Variants in RGS6 observed in about 807,000 individuals in gnomAD.
RGS6 encodes regulator of G protein signaling 6.
A neutral mutation model predicts 78.5 loss-of-function variants in RGS6; 30 were observed. That is an observed-to-expected ratio of 0.38 (90% CI 0.29 to 0.52). The LOEUF (loss-of-function observed/expected upper bound fraction) is 0.52, where lower values mean the gene tolerates loss of function less well. Ranked by LOEUF, RGS6 falls within the 20% of genes least tolerant of loss-of-function variation. RGS6 has a pLI of 0.85. For synonymous variants in RGS6, 206 were observed against 206.0 expected (o/e 1.00, Z 0.00); for missense variants, 495 against 609.7 (o/e 0.81, Z 1.98).
intron 2 of RGS6, among the ~76,000 whole-genome samples, chr14:72,225,391 C>A (rs1418798163): frequency 1.3e-5 from 2 of 152,222 alleles, no homozygotes. Flanking sequence ...GATGCAATCA[C>A]AGCCCTCTGC....
At chr14:72,163,082 A>G (rs2096875215) in intron 2 of RGS6, among the ~76,000 whole-genome samples, 1 of 152,174 alleles carries the variant, frequency 6.6e-6, no homozygotes, top group South Asian at 2.1e-4. Flanking sequence ...ATAAAAGACT[A>G]CAAATTGGGT....
chr14:72,543,151 C>T (rs1421375704), intron 17 of RGS6, among the ~76,000 whole-genome samples: 1 of 151,602 alleles, frequency 6.6e-6, no homozygotes, highest in Non-Finnish European at 1.5e-5. Context: ...CTAAACATGA[C>T]TGAAGTCCAC....
Position 72,163,377 on chromosome 14 carries a change from A to T in RGS6, c.85-188718A>T, listed in dbSNP as rs539955233. ...CCAATGAGGTTGATAATTCAGTGGG[A>T]CCAACAAGTCACAGTCAACCAGTGA... On this transcript the variant is annotated intron_variant, in intron 2 of 17. Coordinates refer to ENST00000553525, the MANE Select transcript of RGS6 (RefSeq NM_001204424.2). Among the ~76,000 whole-genome samples the T allele has an allele frequency of 2.6e-5, 4 of 152,346 alleles. No homozygotes were observed. The South Asian group carries it at 8.3e-4, about 32-fold the overall frequency.
chr14:72,578,913 G>T, the RGS6 span, among the ~76,000 whole-genome samples: 2 of 152,170 alleles, frequency 1.3e-5, no homozygotes, highest in African/African-American at 4.8e-5. Flanking sequence ...ATCATCTATG[G>T]CATTTGGGGA....
chr14:72,548,789 G>A (rs2283372), intron 17 of RGS6, among the ~76,000 whole-genome samples: 28,456 of 152,148 alleles, frequency 0.19, 2,807 homozygotes, highest in Middle Eastern at 0.24. Context: ...TTGCTCCAGA[G>A]AGCAAGGCTA....
intron 2 of RGS6, among the ~76,000 whole-genome samples, chr14:72,106,817 A>G (rs112114660): frequency 1.3e-5 from 2 of 152,182 alleles, no homozygotes; most frequent in Non-Finnish European, 2.9e-5. Context: ...CTCATGGTGC[A>G]GTGTAACATG....
chr14:72,342,746 A>T (rs976983878), intron 2 of RGS6, among the ~76,000 whole-genome samples: 3 of 151,590 alleles, frequency 2.0e-5, no homozygotes, highest in Non-Finnish European at 4.4e-5. Context: ...AAAAAAAAAA[A>T]AAAAGTTCCC....
chr14:72,378,899 G>A (rs1312363293), intron 3 of RGS6, among the ~76,000 whole-genome samples: 1 of 151,878 alleles, frequency 6.6e-6, no homozygotes, highest in African/African-American at 2.4e-5. Context: ...GGTTATACAG[G>A]TTAATATCCT....
chr14:72,376,277 C>T (rs889849001), intron 3 of RGS6, among the ~76,000 whole-genome samples: 6 of 151,902 alleles, frequency 3.9e-5, no homozygotes, highest in African/African-American at 1.2e-4. Context: ...TACTTGAAGA[C>T]AGGTATTTTG....
chr14:71,960,714 G>T (rs560777143), intron 1 of RGS6, among the ~76,000 whole-genome samples: 1 of 152,162 alleles, frequency 6.6e-6, no homozygotes, highest in Non-Finnish European at 1.5e-5. Context: ...ATCTTTCTGG[G>T]ATCAGATTAT....
intron 2 of RGS6, among the ~76,000 whole-genome samples, chr14:72,198,487 T>A (rs1388128726): frequency 6.6e-6 from 1 of 152,262 alleles, no homozygotes; most frequent in Non-Finnish European, 1.5e-5. Context: ...TACTATTCTA[T>A]TGCTCTGATG....
intron 2 of RGS6, among the ~76,000 whole-genome samples, chr14:72,158,832 A>G (rs896457302): frequency 6.8e-6 from 1 of 147,466 alleles, no homozygotes; most frequent in Non-Finnish European, 1.5e-5. Flanking sequence ...AATATCCGGT[A>G]TAACATTGCA....
At chr14:72,437,280 G>A (rs2094965770) in intron 3 of RGS6, among the ~76,000 whole-genome samples, 4 of 141,828 alleles carry the variant, frequency 2.8e-5, no homozygotes, top group Admixed American at 2.3e-4. Context: ...GGCGGGGGTT[G>A]CAGTGAGCCG....
chr14:72,236,061 C>G (rs900158025), intron 2 of RGS6, among the ~76,000 whole-genome samples: 1 of 152,212 alleles, frequency 6.6e-6, no homozygotes, highest in Non-Finnish European at 1.5e-5. Context: ...CTTACAGCAG[C>G]TGTGTTTATC....
intron 15 of RGS6, among the ~76,000 whole-genome samples, chr14:72,526,408 A>C (rs900856518): frequency 7.2e-5 from 11 of 152,202 alleles, no homozygotes; most frequent in African/African-American, 2.2e-4. Flanking sequence ...CCTGGCCAGG[A>C]AAACACTTTT....
At chr14:72,368,260 T>TGGATAGCTAACCCACTCCTA (rs2082801912) in intron 3 of RGS6, among the ~76,000 whole-genome samples, 1 of 152,174 alleles carries the variant, frequency 6.6e-6, no homozygotes, top group Non-Finnish European at 1.5e-5. Context: ...ACCCACTCCT[T>TGGATAGCTAACCCACTCCTA]GGATAGCTAA....
intron 2 of RGS6, among the ~76,000 whole-genome samples, chr14:72,014,481 A>G (rs1363572161): frequency 6.6e-6 from 1 of 152,256 alleles, no homozygotes; most frequent in Non-Finnish European, 1.5e-5. Flanking sequence ...ATTTTTGGAA[A>G]GAGTGAAGAG....
Position 72,036,444 on chromosome 14 carries a change from C to T in RGS6, c.84+71569C>T, listed in dbSNP as rs182270837. 9.2e-5 allele frequency among the ~76,000 whole-genome samples: 14 copies of T among 152,096 alleles called. No homozygotes were observed. In the East Asian group the frequency reaches 9.7e-4, roughly 10 times the overall value. ...CTAGAAGTAAGGTTGCTGAGTCAACCGGTAGATGTGCCTGTAACTTTATGA... is the reference window on the plus strand; with the variant it reads ...CTAGAAGTAAGGTTGCTGAGTCAACTGGTAGATGTGCCTGTAACTTTATGA... On this transcript the variant is annotated intron_variant, in intron 2 of 17. Coordinates refer to ENST00000553525, the MANE Select transcript of RGS6 (RefSeq NM_001204424.2).
chr14:72,266,166 C>A (rs1379129676), intron 2 of RGS6, among the ~76,000 whole-genome samples: 1 of 152,146 alleles, frequency 6.6e-6, no homozygotes, highest in Non-Finnish European at 1.5e-5. Context: ...TTTCACTGGG[C>A]AGATGGGTGA....
Sources: gnomAD v4.1 joint callset for allele counts (sites outside exome capture counted in the v4.1 genomes callset) on GRCh38, gnomAD v4.1.1 for gene constraint, MANE v1.5 for transcripts, NCBI Gene and HGNC (gene_info 2026-07-23, HGNC 2026-07-21) for gene names.